The following CHRM3 variants were observed in gnomAD, a reference collection of about 807,000 sequenced individuals.
The protein encoded by CHRM3 is muscarinic acetylcholine receptor M3.
In CHRM3, 11 loss-of-function variants were observed where a neutral mutation model predicts 41.8. That is an observed-to-expected ratio of 0.26 (90% confidence interval 0.17 to 0.44). The LOEUF is 0.44. CHRM3 is among the 20% of genes least tolerant of loss of function. CHRM3 has a pLI of 1.00. For synonymous variants in CHRM3, 297 were observed against 301.4 expected (o/e 0.99, Z 0.15); for missense variants, 571 against 745.4 (o/e 0.77, Z 2.72).
chr1:239,410,154 G>A (rs1250465004), intron 1 of CHRM3, among the ~76,000 whole-genome samples: 1 of 152,086 alleles, frequency 6.6e-6, no homozygotes, highest in African/African-American at 2.4e-5. Context: ...ATGGTTTTCA[G>A]TCATGTAGTG....
chr1:239,406,402 T>C (rs1572186434), intron 1 of CHRM3, among the ~76,000 whole-genome samples: 1 of 152,158 alleles, frequency 6.6e-6, no homozygotes, highest in Non-Finnish European at 1.5e-5. Flanking sequence ...AACAAAGAAA[T>C]TTGATACTCT....
At chr1:239,598,911 C>T (rs949255279) in intron 3 of CHRM3, among the ~76,000 whole-genome samples, 1 of 151,432 alleles carries the variant, frequency 6.6e-6, no homozygotes, top group Non-Finnish European at 1.5e-5. Flanking sequence ...CGCATGGACG[C>T]TTCCCACTCA....
intron 4 of CHRM3, among the ~76,000 whole-genome samples, chr1:239,657,248 G>A (rs948142488): frequency 1.3e-5 from 2 of 152,176 alleles, no homozygotes; most frequent in African/African-American, 4.8e-5. Context: ...AGAGGAGCTG[G>A]AATACCCAAA....
chr1:239,791,511 A>C (rs1669349536), intron 5 of CHRM3, among the ~76,000 whole-genome samples: 1 of 152,140 alleles, frequency 6.6e-6, no homozygotes, highest in Admixed American at 6.5e-5. Context: ...GATTGTGGCT[A>C]CCTCTTTAGT....
In CHRM3 at chr1:239,885,539, A is replaced by C. The variant is rs572736279; in HGVS notation, c.-19-21894A>C. ...CTTGTACCGAGAGCAATATCACAAC[A>C]TGTTTCTGTGCTAAAGCCCTCAGTA... On this transcript the variant is annotated intron_variant, in intron 6 of 6. Transcript: ENST00000676153. 2.6e-5 allele frequency among the ~76,000 whole-genome samples: 4 copies of C among 152,088 alleles called. No individual in the cohort carries two copies. The South Asian group carries it at 8.3e-4, about 32-fold the overall frequency.
At chr1:239,796,880 A>G (rs1278064734) in intron 5 of CHRM3, among the ~76,000 whole-genome samples, 1 of 152,026 alleles carries the variant, frequency 6.6e-6, no homozygotes, top group Non-Finnish European at 1.5e-5. Context: ...TCCAGTATCT[A>G]CTATTCCACT....
At chr1:239,760,492 G>C (rs1193360202) in intron 5 of CHRM3, among the ~76,000 whole-genome samples, 1 of 151,934 alleles carries the variant, frequency 6.6e-6, no homozygotes, top group Non-Finnish European at 1.5e-5. Context: ...ACCTTTTTGC[G>C]TGGTCTTCTT....
intron 1 of CHRM3, among the ~76,000 whole-genome samples, chr1:239,479,814 C>T (rs1472099321): frequency 6.6e-6 from 1 of 151,938 alleles, no homozygotes; most frequent in African/African-American, 2.4e-5. Flanking sequence ...GTGAATCAAG[C>T]TTGCAGGACT....
At chr1:239,560,844 A>C (rs1660788521) in intron 3 of CHRM3, among the ~76,000 whole-genome samples, 1 of 152,066 alleles carries the variant, frequency 6.6e-6, no homozygotes, top group South Asian at 2.1e-4. Context: ...CTCTAAATTA[A>C]CATGTCCAAA....
intron 5 of CHRM3, among the ~76,000 whole-genome samples, chr1:239,786,970 G>A (rs1244521668): frequency 6.6e-6 from 1 of 152,156 alleles, no homozygotes; most frequent in Non-Finnish European, 1.5e-5. Flanking sequence ...ATATTAGGAA[G>A]ACCACTCTGG....
chr1:239,813,202 C>T (rs1000194073), intron 5 of CHRM3, among the ~76,000 whole-genome samples: 24 of 152,014 alleles, frequency 1.6e-4, no homozygotes, highest in African/African-American at 4.1e-4. Flanking sequence ...CGCTTGAACC[C>T]GGGAGGCAGA....
At chr1:239,409,368 G>C (rs553590170) in intron 1 of CHRM3, among the ~76,000 whole-genome samples, 1 of 152,168 alleles carries the variant, frequency 6.6e-6, no homozygotes, top group Non-Finnish European at 1.5e-5. Flanking sequence ...TTCTGAAGTT[G>C]GTTGTGTAGA....
chr1:239,852,892 T>C (rs1405326617), intron 6 of CHRM3, among the ~76,000 whole-genome samples: 12 of 152,132 alleles, frequency 7.9e-5, no homozygotes, highest in Admixed American at 7.9e-4. Context: ...TTGACAGGTG[T>C]TACATGGTAA....
At chr1:239,659,735 C>G (rs1049059006) in intron 4 of CHRM3, among the ~76,000 whole-genome samples, 1 of 152,210 alleles carries the variant, frequency 6.6e-6, no homozygotes, top group African/African-American at 2.4e-5. Flanking sequence ...ATCTCCCCAA[C>G]TCTCCAAAGG....
At chr1:239,716,584 G>T (rs1035196330) in intron 5 of CHRM3, among the ~76,000 whole-genome samples, 1 of 152,100 alleles carries the variant, frequency 6.6e-6, no homozygotes, top group Non-Finnish European at 1.5e-5. Flanking sequence ...GATGTTTACA[G>T]CTAAACAGTG....
chr1:239,681,946 C>A (rs1273975487), intron 5 of CHRM3, among the ~76,000 whole-genome samples: 1 of 152,120 alleles, frequency 6.6e-6, no homozygotes, highest in Non-Finnish European at 1.5e-5. Context: ...GGCATGGTTA[C>A]CTTCTTTATT....
intron 4 of CHRM3, among the ~76,000 whole-genome samples, chr1:239,664,859 C>T (rs537734042): frequency 3.9e-5 from 6 of 152,274 alleles, no homozygotes; most frequent in South Asian, 2.1e-4. Context: ...CTTTTCACCA[C>T]GGTTCGGTCT....
At chr1:239,777,407 AATAACTATAAAAATGAAAACTAAC>A (rs1209062748) in intron 5 of CHRM3, among the ~76,000 whole-genome samples, 1 of 152,222 alleles carries the variant, frequency 6.6e-6, no homozygotes, top group East Asian at 1.9e-4. Flanking sequence ...TAATAAGCTT[AATAACTATAAAAATGAAAACTAAC>A]ATTATTCTAT....
At chr1:239,648,514 A>T (rs1218845590) in intron 4 of CHRM3, among the ~76,000 whole-genome samples, 2 of 152,216 alleles carry the variant, frequency 1.3e-5, no homozygotes, top group Non-Finnish European at 2.9e-5. Flanking sequence ...TTGTTCATCT[A>T]GAAATGGCTG....
Sources: allele counts gnomAD v4.1 joint callset (sites outside exome capture counted in the v4.1 genomes callset), GRCh38; gene constraint gnomAD v4.1.1; transcripts MANE v1.5; gene names NCBI Gene and HGNC (gene_info 2026-07-23, HGNC 2026-07-21).